Variants in GPM6A observed in about 807,000 individuals in gnomAD.
GPM6A encodes the protein glycoprotein M6A.
In GPM6A, 7 loss-of-function variants were observed where a neutral mutation model predicts 32.1. That is an observed-to-expected ratio of 0.22 (90% CI 0.12 to 0.41). The LOEUF (loss-of-function observed/expected upper bound fraction) is 0.41, where lower values mean the gene tolerates loss of function less well. Among genes scored for constraint, GPM6A ranks in the 10% least tolerant of loss-of-function variants. The pLI is 1.00. For synonymous variants in GPM6A, 130 were observed against 123.4 expected, an observed-to-expected ratio of 1.05 and a Z score of -0.35; for missense variants, 235 against 347.2, an observed-to-expected ratio of 0.68 and a Z score of 2.57.
chr4:175,967,798 A>G (rs1740373310), intron 1 of GPM6A, among the ~76,000 whole-genome samples: 1 of 152,222 alleles, frequency 6.6e-6, no homozygotes, highest in South Asian at 2.1e-4. Flanking sequence ...TACCCCATGT[A>G]CATGGATAGA....
chr4:175,676,554 C>A (rs60782140), intron 2 of GPM6A, among the ~76,000 whole-genome samples: 1,840 of 152,244 alleles, frequency 0.012, 44 homozygotes, highest in African/African-American at 0.041. Context: ...CGAAACCAGC[C>A]TGGTCAACAT....
chr4:175,893,673 G>A (rs1579604344), intron 1 of GPM6A, among the ~76,000 whole-genome samples: 2 of 152,084 alleles, frequency 1.3e-5, no homozygotes, highest in South Asian at 4.1e-4. Context: ...AAGACAGGTG[G>A]GGATGATAAC....
At chr4:175,699,835 C>T (rs995117108) in intron 2 of GPM6A, among the ~76,000 whole-genome samples, 4 of 152,080 alleles carry the variant, frequency 2.6e-5, no homozygotes, top group East Asian at 1.9e-4. Context: ...CACCCACCCC[C>T]CAAAACAGAG....
intron 1 of GPM6A, among the ~76,000 whole-genome samples, chr4:175,839,317 T>G (rs1407298047): frequency 6.6e-6 from 1 of 152,160 alleles, no homozygotes; most frequent in African/African-American, 2.4e-5. Flanking sequence ...GGAAAAACAT[T>G]TCTAACTAAG....
chr4:175,703,901 T>G (rs1282584924), intron 1 of GPM6A, among the ~76,000 whole-genome samples: 1 of 152,158 alleles, frequency 6.6e-6, no homozygotes, highest in Non-Finnish European at 1.5e-5. Context: ...TTCCTCCTTA[T>G]GAAAATCCTT....
At chr4:175,731,545 C>T (rs1002320986) in intron 1 of GPM6A, among the ~76,000 whole-genome samples, 3 of 152,150 alleles carry the variant, frequency 2.0e-5, no homozygotes, top group African/African-American at 4.8e-5. Flanking sequence ...GTGCCCAGCA[C>T]AATATCTGGC....
At chr4:175,666,407 T>G (rs1044084611) in intron 3 of GPM6A, among the ~76,000 whole-genome samples, 1 of 152,168 alleles carries the variant, frequency 6.6e-6, no homozygotes, top group Non-Finnish European at 1.5e-5. Context: ...TCTCAATATG[T>G]TGTGAAGCGA....
chr4:175,784,260 G>T (rs1006945651), intron 1 of GPM6A, among the ~76,000 whole-genome samples: 1 of 152,026 alleles, frequency 6.6e-6, no homozygotes, highest in Non-Finnish European at 1.5e-5. Context: ...TACATGACTA[G>T]TATTCTTCAA....
chr4:175,752,159 A>G (rs1379270737), intron 1 of GPM6A, among the ~76,000 whole-genome samples: 1 of 152,150 alleles, frequency 6.6e-6, no homozygotes, highest in Non-Finnish European at 1.5e-5. Flanking sequence ...ATAATTGTGG[A>G]TCATTTCTTA....
chr4:175,810,752 A>G (rs1021935644), intron 1 of GPM6A, among the ~76,000 whole-genome samples: 5 of 152,252 alleles, frequency 3.3e-5, no homozygotes, highest in Non-Finnish European at 5.9e-5. Context: ...AGATGTTGTC[A>G]TAAGGTAATT....
intron 1 of GPM6A, among the ~76,000 whole-genome samples, chr4:175,939,161 C>A (rs2333322): frequency 0.97 from 148,281 of 152,266 alleles, 72,317 homozygotes; most frequent in East Asian, 1. Flanking sequence ...TATCGATCAC[C>A]CCTCTGGACT....
chr4:175,768,558 C>T (rs996100253), intron 1 of GPM6A, among the ~76,000 whole-genome samples: 1 of 151,800 alleles, frequency 6.6e-6, no homozygotes, highest in Non-Finnish European at 1.5e-5. Flanking sequence ...GTGACTAACT[C>T]AAGCAAGATG....
intron 3 of GPM6A, among the ~76,000 whole-genome samples, chr4:175,672,086 G>A (rs1316413011): frequency 6.6e-6 from 1 of 151,998 alleles, no homozygotes; most frequent in African/African-American, 2.4e-5. Flanking sequence ...AGATAACCAA[G>A]TGCATCTCTC....
intron 1 of GPM6A, among the ~76,000 whole-genome samples, chr4:175,829,696 T>G (rs1372869429): frequency 6.8e-6 from 1 of 146,840 alleles, no homozygotes; most frequent in African/African-American, 2.5e-5. Context: ...TACATATATG[T>G]ATATATATTA....
chr4:175,860,053 TAGAG>T (rs1376443464), intron 1 of GPM6A, among the ~76,000 whole-genome samples: 1 of 151,912 alleles, frequency 6.6e-6, no homozygotes, highest in Non-Finnish European at 1.5e-5. Context: ...TAGGAGTGCT[TAGAG>T]GGAAATTTCT....
upstream of GPM6A, chr4:175,813,252 G>T (rs771671832): frequency 9.1e-5 from 16 of 175,798 alleles, no homozygotes; most frequent in Non-Finnish European, 1.6e-4. Flanking sequence ...ACAAATTTTA[G>T]ATAAGAAACA....
intron 1 of GPM6A, among the ~76,000 whole-genome samples, chr4:175,894,978 C>T (rs1737753384): frequency 6.6e-6 from 1 of 152,292 alleles, no homozygotes. Flanking sequence ...CAGTATACAG[C>T]ATTGATAAGA....
At chr4:175,791,674 T>C (rs577285045) in intron 1 of GPM6A, among the ~76,000 whole-genome samples, 30 of 152,254 alleles carry the variant, frequency 2.0e-4, no homozygotes, top group Non-Finnish European at 3.7e-4. Context: ...AACAAAATGA[T>C]TGTATCAGAA....
At chr4:175,687,147 G>A (rs565230227) in intron 2 of GPM6A, among the ~76,000 whole-genome samples, 21 of 152,290 alleles carry the variant, frequency 1.4e-4, no homozygotes, top group African/African-American at 4.6e-4. Flanking sequence ...GTAAAGGAAA[G>A]TCATGTTTCA....
Sources: gnomAD v4.1 joint callset for allele counts (sites outside exome capture counted in the v4.1 genomes callset) on GRCh38, gnomAD v4.1.1 for gene constraint, MANE v1.5 for transcripts, NCBI Gene and HGNC (gene_info 2026-07-23, HGNC 2026-07-21) for gene names.